The following CCDC6 variants were observed in gnomAD, a reference collection of about 807,000 sequenced individuals.
The protein encoded by CCDC6 is coiled-coil domain-containing protein 6.
In CCDC6, 20 loss-of-function variants were observed where a neutral mutation model predicts 56.6. The observed-to-expected ratio is 0.35, with a 90% CI of 0.25 to 0.51. The LOEUF (loss-of-function observed/expected upper bound fraction) is 0.51. Ranked by LOEUF, CCDC6 falls within the 20% of genes least tolerant of loss-of-function variation. The pLI is 0.95. For missense variants in CCDC6, 367 were observed against 601.1 expected (o/e 0.61, Z 4.07); for synonymous variants, 241 against 234.4 (o/e 1.03, Z -0.26).
chr10:59,817,601 G>A (rs555954500), intron 3 of CCDC6, among the ~76,000 whole-genome samples: 1 of 152,240 alleles, frequency 6.6e-6, no homozygotes, highest in South Asian at 2.1e-4. Flanking sequence ...AATTCAAGCA[G>A]GCATCATTTT....
At chr10:59,900,750 G>C (rs188444367) in intron 1 of CCDC6, among the ~76,000 whole-genome samples, 1 of 152,190 alleles carries the variant, frequency 6.6e-6, no homozygotes, top group Admixed American at 6.5e-5. Flanking sequence ...GTAAAAGACT[G>C]TCATGACCTT....
chr10:59,799,420 T>C (rs1485974692), intron 7 of CCDC6, among the ~76,000 whole-genome samples: 2 of 152,124 alleles, frequency 1.3e-5, no homozygotes, highest in Admixed American at 6.5e-5. Context: ...AGCAAGACTC[T>C]ATCTCGAAAA....
chr10:59,830,877 G>A (rs977016438), intron 3 of CCDC6, among the ~76,000 whole-genome samples: 3 of 152,186 alleles, frequency 2.0e-5, no homozygotes, highest in Non-Finnish European at 2.9e-5. Flanking sequence ...TTAGGAGCCT[G>A]TGAACAAATA....
intron 1 of CCDC6, among the ~76,000 whole-genome samples, chr10:59,887,563 C>T (rs916327812): frequency 6.6e-5 from 10 of 151,160 alleles, no homozygotes; most frequent in South Asian, 2.1e-4. Flanking sequence ...ATATCATATA[C>T]GCCACCTTTT....
At chr10:59,802,683 C>CCA (rs1289593954) in intron 7 of CCDC6, among the ~76,000 whole-genome samples, 1 of 152,116 alleles carries the variant, frequency 6.6e-6, no homozygotes, top group East Asian at 1.9e-4. Flanking sequence ...CAAGCAAGCC[C>CCA]CACACTTGAT....
chr10:59,897,627 A>C (rs1364112142), intron 1 of CCDC6, among the ~76,000 whole-genome samples: 1 of 152,150 alleles, frequency 6.6e-6, no homozygotes, highest in Non-Finnish European at 1.5e-5. Flanking sequence ...ATCTATATGA[A>C]ACTCCAGGTA....
chr10:59,829,307 C>A (rs1293184003), intron 3 of CCDC6, among the ~76,000 whole-genome samples: 1 of 152,224 alleles, frequency 6.6e-6, no homozygotes, highest in Non-Finnish European at 1.5e-5. Context: ...CTTCCAATAT[C>A]CCTTCTGCAG....
At chr10:59,805,573 A>G (rs1301760347) in intron 6 of CCDC6, 1 of 152,210 alleles carries the variant, frequency 6.6e-6, no homozygotes, top group Non-Finnish European at 1.5e-5. Flanking sequence ...CAGATGCTAT[A>G]TATGATCTGT....
chr10:59,813,755 A>T (rs2070691009), intron 4 of CCDC6, among the ~76,000 whole-genome samples: 2 of 152,188 alleles, frequency 1.3e-5, no homozygotes, highest in Admixed American at 6.5e-5. Context: ...AATAATACCT[A>T]TCAGTAAAGC....
Position 59,906,109 on chromosome 10 carries a change from G to C in CCDC6, c.303+13C>G, listed in dbSNP as rs773078014. The C allele has an allele frequency of 6.4e-6, 10 of 1,566,956 alleles. No homozygotes were observed. The South Asian group carries it at 7.0e-5, about 11-fold the overall frequency. ...GAGGTCGGCGCTGCGGCGCGTCCCC[G>C]GGGGGCACTCACGATGGTCACGCTG... On this transcript the variant is annotated intron_variant, in intron 1 of 8. Coordinates refer to ENST00000263102, the MANE Select transcript of CCDC6 (RefSeq NM_005436.5).
intron 3 of CCDC6, among the ~76,000 whole-genome samples, chr10:59,820,657 C>T (rs960424897): frequency 3.9e-5 from 6 of 152,000 alleles, no homozygotes; most frequent in East Asian, 1.9e-4. Flanking sequence ...CTAAGGCAGG[C>T]GGATCTCTTG....
At chr10:59,794,965 A>C (rs1005958465) in intron 7 of CCDC6, among the ~76,000 whole-genome samples, 7 of 152,194 alleles carry the variant, frequency 4.6e-5, no homozygotes, top group African/African-American at 1.4e-4. Flanking sequence ...AGTCAACTCA[A>C]AATGGATTAA....
At chr10:59,862,304 T>C (rs899943464) in intron 1 of CCDC6, among the ~76,000 whole-genome samples, 2 of 151,294 alleles carry the variant, frequency 1.3e-5, no homozygotes, top group African/African-American at 2.4e-5. Context: ...CTGCCCAACA[T>C]AGTGAAACCG....
intron 2 of CCDC6, among the ~76,000 whole-genome samples, chr10:59,843,982 T>A (rs2070966166): frequency 6.6e-6 from 1 of 152,196 alleles, no homozygotes; most frequent in Non-Finnish European, 1.5e-5. Flanking sequence ...TCTGGATGAA[T>A]TCCAAGTGCC....
intron 2 of CCDC6, among the ~76,000 whole-genome samples, chr10:59,850,433 A>G (rs2071027963): frequency 6.6e-6 from 1 of 152,196 alleles, no homozygotes; most frequent in Non-Finnish European, 1.5e-5. Context: ...CTAACCATCC[A>G]TCTGTCCAGA....
chr10:59,823,956 G>A (rs947035623), intron 3 of CCDC6, among the ~76,000 whole-genome samples: 2 of 152,182 alleles, frequency 1.3e-5, no homozygotes, highest in African/African-American at 4.8e-5. Flanking sequence ...CAAGGTCTTT[G>A]TCCCCAGTGG....
In CCDC6 at chr10:59,792,562, T is replaced by C; in HGVS notation, c.*355A>G. 1.8e-6 allele frequency: 1 copy of C among 562,276 alleles called. No homozygotes were observed. The highest frequency in any genetic ancestry group is 3.6e-5 in the East Asian group (1 of 27,874). The allele number at this position is 562,276 out of a possible 1,614,324, so 34.8% of individuals were successfully genotyped here. On this transcript the variant is annotated 3_prime_UTR_variant, in exon 9 of 9. Transcript: ENST00000263102. Reference sequence around the variant, plus strand: ...TTCATGGAAAAAAATATAAAAAAGATATCCCTTTTTCTTTTACAAACCTAA... The same window carrying C: ...TTCATGGAAAAAAATATAAAAAAGACATCCCTTTTTCTTTTACAAACCTAA...
intron 2 of CCDC6, among the ~76,000 whole-genome samples, chr10:59,845,346 G>GTTTTTTTTTTTTTTT (rs151236986): frequency 1.0e-5 from 1 of 96,948 alleles, no homozygotes; most frequent in South Asian, 3.8e-4. Flanking sequence ...GCCCCTATGG[G>GTTTTTTTTTTTTTTT]TTTTTTTTTT....
At position 59,814,732 on chromosome 10, in the gene CCDC6, A is replaced by G. The variant is rs2070698680; in HGVS notation, c.606T>C (p.Leu202=). ...LEQLRREKID[L]ENTLEQEQEA... ...CTTGTTCTTGTTCCAATGTATTTTC[A>G]AGGTCAATCTTCTCCCGTCTCAACT... Residue 202 remains leucine, a synonymous_variant, in exon 4 of 9, where the codon CTT becomes CTC. Transcript: ENST00000263102. 1 of 1,612,216 alleles carries G rather than the reference A, an allele frequency of 6.2e-7. No homozygotes were observed. Among genetic ancestry groups the G allele is most frequent in the Non-Finnish European group, 8.5e-7 (1 of 1,178,344 alleles).
Sources: gnomAD v4.1 joint callset for allele counts (sites outside exome capture counted in the v4.1 genomes callset) on GRCh38, gnomAD v4.1.1 for gene constraint, MANE v1.5 for transcripts, NCBI Gene and HGNC (gene_info 2026-07-23, HGNC 2026-07-21) for gene names.